CELA2B: variants seen among roughly 807,000 people sequenced by gnomAD.
CELA2B encodes chymotrypsin-like elastase family member 2B.
Under a neutral mutation model 36.5 loss-of-function variants are expected in CELA2B, and 27 were observed. The ratio of observed to expected loss-of-function variants is 0.74; its 90% CI spans 0.55 to 1.02. The LOEUF is 1.02. Ranked by LOEUF, CELA2B falls within the 50% of genes least tolerant of loss-of-function variation. CELA2B has a pLI of 0.00. For missense variants in CELA2B, 340 were observed against 347.8 expected (o/e 0.98, Z 0.18); for synonymous variants, 143 against 148.5 (o/e 0.96, Z 0.27).
Position 15,476,525 on chromosome 1 carries a change from C to G in CELA2B, c.109C>G (p.Pro37Ala). ...GATGCTTGGAGGTGAAGAAGCGAGG[C>G]CCAACAGCTGGCCCTGGCAGGTGAG... ...SRMLGGEEAR[P>A]NSWPWQVSLQ... Residue 37 changes from proline to alanine, a missense_variant, in exon 2 of 8, where the codon CCC becomes GCC. Pro to Ala is a conservative substitution (Grantham distance 27). Transcript: ENST00000375910. The G allele has an allele frequency of 6.2e-7, 1 of 1,613,934 alleles. No homozygotes were observed. The highest frequency in any genetic ancestry group is 8.5e-7 in the Non-Finnish European group (1 of 1,180,004).
chr1:15,479,501 G>A (rs1212917464), intron 2 of CELA2B, among the ~76,000 whole-genome samples: 8 of 152,150 alleles, frequency 5.3e-5, no homozygotes, highest in African/African-American at 1.2e-4. Context: ...AGCCAATATC[G>A]TGCCACTGCA....
At chr1:15,487,141 G>A in intron 6 of CELA2B, 144 bp from the exon 7 acceptor site, 2 of 716,590 alleles carry the variant, frequency 2.8e-6, no homozygotes, top group Non-Finnish European at 4.8e-6. Flanking sequence ...TGGAATTATG[G>A]TACCACCTTG....
At chr1:15,476,586 C>A (rs202079732) in intron 2 of CELA2B, 41 bp downstream of exon 2, 2 of 1,575,640 alleles carry the variant, frequency 1.3e-6, no homozygotes, top group East Asian at 2.2e-5. Context: ...CCCTGCCCCA[C>A]TCCCTTTACA....
chr1:15,487,373 G>C lies in CELA2B; in HGVS notation c.728G>C (p.Cys243Ser), dbSNP rs1708818346. The change falls in exon 7 of 8, where the codon TGC (cysteine) becomes TCC (serine). Residue 243 changes from cysteine (C) to serine (S), a missense_variant. Transcript: ENST00000375910. The part of the protein sequence containing the change: ...GIGSLTSVLG[C>S]NYYYKPSIFT... ...GGCAGCCTCACGTCGGTCCTTGGTT[G>C]CAACTACTACTACAAGCCCTCCATC... 1.2e-6 allele frequency: 2 copies of C among 1,614,118 alleles called. No homozygotes were observed. The highest frequency in any genetic ancestry group is 2.7e-5 in the African/African-American group (2 of 74,928).
intron 2 of CELA2B, among the ~76,000 whole-genome samples, chr1:15,480,383 T>TGG (rs929675665): frequency 6.6e-6 from 1 of 152,098 alleles, no homozygotes; most frequent in African/African-American, 2.4e-5. Context: ...TGGCTAATTT[T>TGG]GGGGTATTTT....
rs1708799211 is a variant in CELA2B at position 15,485,965 on chromosome 1, C to T, written c.558C>T (p.Cys186=). Residue 186 remains cysteine, a synonymous_variant, in exon 6 of 8, where the codon TGC becomes TGT. Coordinates refer to ENST00000375910, the MANE Select transcript of CELA2B (RefSeq NM_015849.3). ...GQLLVVDYAT[C]SSSGWWGSTV... Reference sequence around the variant, plus strand: ...TGCTGGTTGTGGACTATGCCACCTGCTCCAGCTCTGGCTGGTGGGGCAGCA... The same window carrying T: ...TGCTGGTTGTGGACTATGCCACCTGTTCCAGCTCTGGCTGGTGGGGCAGCA... The T allele has an allele frequency of 2.5e-6, 4 of 1,614,240 alleles. No individual in the cohort carries two copies. The highest frequency in any genetic ancestry group is 3.4e-6 in the Non-Finnish European group (4 of 1,180,050).
At chr1:15,491,015 A>G (rs1250550892) in intron 7 of CELA2B, 7 of 451,606 alleles carry the variant, frequency 1.6e-5, no homozygotes, top group African/African-American at 6.1e-5. Flanking sequence ...CATTTGGCAT[A>G]TAATTTTTAG....
At chr1:15,482,015 G>T (rs1371892246) in intron 3 of CELA2B, among the ~76,000 whole-genome samples, 1 of 149,046 alleles carries the variant, frequency 6.7e-6, no homozygotes, top group Non-Finnish European at 1.5e-5. Context: ...ATACTATAGA[G>T]TTTGTGCTAT....
intron 2 of CELA2B, among the ~76,000 whole-genome samples, chr1:15,478,302 G>C (rs1352341485): frequency 3.3e-5 from 5 of 151,766 alleles, no homozygotes; most frequent in African/African-American, 1.2e-4. Flanking sequence ...GGAGTGCAAT[G>C]GTACAATCTC....
intron 5 of CELA2B, 148 bp from the exon 6 acceptor site, chr1:15,485,753 A>G: frequency 9.8e-7 from 1 of 1,020,224 alleles, no homozygotes; most frequent in Non-Finnish European, 1.5e-6. Flanking sequence ...TAACCAATCA[A>G]ATGTGAGGAC....
chr1:15,478,223 TATA>T (rs1708696330), intron 2 of CELA2B, among the ~76,000 whole-genome samples: 3 of 141,522 alleles, frequency 2.1e-5, no homozygotes, highest in African/African-American at 8.0e-5. Flanking sequence ...TATATTGGGA[TATA>T]TAGTTTGTTT....
intron 7 of CELA2B, 85 bp downstream of exon 7, chr1:15,487,522 A>AC (rs1444441865): frequency 2.0e-6 from 3 of 1,529,004 alleles, no homozygotes; most frequent in African/African-American, 2.7e-5. Flanking sequence ...GCGACTGAGA[A>AC]CCCCCTCCTT....
At chr1:15,489,718 T>C (rs1708850610) in intron 7 of CELA2B, among the ~76,000 whole-genome samples, 2 of 152,224 alleles carry the variant, frequency 1.3e-5, no homozygotes, top group African/African-American at 2.4e-5. Flanking sequence ...CAGTCACACA[T>C]GAACTCCAGC....
chr1:15,482,482 C>T (rs1708755127), intron 4 of CELA2B, 89 bp downstream of exon 4: 1 of 1,547,944 alleles, frequency 6.5e-7, no homozygotes, highest in African/African-American at 1.4e-5. Flanking sequence ...CCCCACCACA[C>T]CCCCTCTGCT....
intron 2 of CELA2B, among the ~76,000 whole-genome samples, chr1:15,478,955 G>C (rs547151355): frequency 6.6e-6 from 1 of 152,306 alleles, no homozygotes; most frequent in South Asian, 2.1e-4. Context: ...CTGGGACTTG[G>C]AAAGGTTACA....
In CELA2B at chr1:15,482,255, T is replaced by C; in HGVS notation, c.228-10T>C. The stretch of plus-strand genomic sequence containing the variant: ...GAGGTGACCCTCTCCCTGGGACCCC[T>C]TTCTCCCAGCTCCTCCGGGATCTAC... On this transcript the variant is annotated splice_polypyrimidine_tract_variant and intron_variant, in intron 3 of 7. Transcript: ENST00000375910. 2 of 1,613,652 alleles carry C rather than the reference T, an allele frequency of 1.2e-6. No individual in the cohort carries two copies. Among genetic ancestry groups the C allele is most frequent in the South Asian group, 1.1e-5 (1 of 91,072 alleles).
intron 3 of CELA2B, 27 bp from the exon 4 acceptor site, chr1:15,482,238 C>T: frequency 6.2e-7 from 1 of 1,612,400 alleles, no homozygotes; most frequent in South Asian, 1.1e-5. Flanking sequence ...TGGAGGTGAC[C>T]CTCTCCCTGG....
chr1:15,485,755 T>C (rs1163587150), intron 5 of CELA2B, 146 bp from the exon 6 acceptor site: 13 of 1,028,980 alleles, frequency 1.3e-5, no homozygotes, highest in Non-Finnish European at 1.6e-5. Context: ...ACCAATCAAA[T>C]GTGAGGACAC....
chr1:15,487,319 C>T lies in CELA2B; in HGVS notation c.674C>T (p.Ser225Phe), dbSNP rs748371170. The T allele has an allele frequency of 3.7e-6, 6 of 1,614,258 alleles. No individual in the cohort carries two copies. The Admixed American group carries it at 5.0e-5, about 13-fold the overall frequency. Residue 225 changes from serine (S) to phenylalanine (F), a missense_variant, in exon 7 of 8, where the codon TCT becomes TTT. Physicochemically the swap from Ser to Phe is radical, Grantham distance 155. Coordinates refer to ENST00000375910, the MANE Select transcript of CELA2B (RefSeq NM_015849.3). ...DSGGPLNCQA[S>F]DGRWEVHGIG... Reference sequence around the variant, plus strand: ...GGTGGGCCGCTGAACTGTCAGGCATCTGACGGCCGGTGGGAGGTGCATGGC... The same window carrying T: ...GGTGGGCCGCTGAACTGTCAGGCATTTGACGGCCGGTGGGAGGTGCATGGC...
Sources: allele counts gnomAD v4.1 joint callset (sites outside exome capture counted in the v4.1 genomes callset), GRCh38; gene constraint gnomAD v4.1.1; transcripts MANE v1.5; gene names NCBI Gene and HGNC (gene_info 2026-07-23, HGNC 2026-07-21).